TENM4: variants seen among roughly 807,000 people sequenced by gnomAD.
TENM4 encodes the protein teneurin-4.
TENM4 carries 82 observed loss-of-function variants against 243.3 expected under a neutral mutation model. The observed-to-expected ratio is 0.34, with a 90% CI of 0.28 to 0.40. The LOEUF (loss-of-function observed/expected upper bound fraction) is 0.40, where lower values mean the gene tolerates loss of function less well. TENM4 is among the 10% of genes least tolerant of loss of function. The pLI is 1.00. For synonymous variants in TENM4, 1,412 were observed against 1,456.3 expected, an observed-to-expected ratio of 0.97 and a Z score of 0.69; for missense variants, 3,138 against 3,673.3, an observed-to-expected ratio of 0.85 and a Z score of 3.77.
chr11:79,368,870 G>A (rs535815868), intron 1 of TENM4, among the ~76,000 whole-genome samples: 14 of 152,300 alleles, frequency 9.2e-5, no homozygotes, highest in Non-Finnish European at 1.3e-4. Context: ...GCTGTCTCGC[G>A]GAGATGTGTG....
rs201067873 is a variant in TENM4, at chr11:79,200,734, AGAG to A, written c.-163+15071_-163+15073del. 5.6e-3 allele frequency among the ~76,000 whole-genome samples: 852 copies of A among 152,348 alleles called. 3 individuals carry two copies. The highest frequency in any genetic ancestry group is 0.017 in the African/African-American group (720 of 41,576). Reference sequence around the variant, plus strand: ...ATTTCAAAGTCAAGGCAGGGGCAGGAGAGGAGGACAAAGCTGTTGCTCCAGGCA... The same window carrying A: ...ATTTCAAAGTCAAGGCAGGGGCAGGAGAGGACAAAGCTGTTGCTCCAGGCA... On this transcript the variant is annotated intron_variant, in intron 3 of 33. Coordinates refer to ENST00000278550, the MANE Select transcript of TENM4 (RefSeq NM_001098816.3).
At chr11:79,430,572 G>A (rs1341311301) in intron 1 of TENM4, among the ~76,000 whole-genome samples, 1 of 152,190 alleles carries the variant, frequency 6.6e-6, no homozygotes, top group Non-Finnish European at 1.5e-5. Context: ...TGCACCCCAG[G>A]CATGGAAGAC....
chr11:78,671,889 G>A, intron 31 of TENM4, 144 bp downstream of exon 31: 3 of 1,086,742 alleles, frequency 2.8e-6, no homozygotes, highest in Non-Finnish European at 3.9e-6. Flanking sequence ...GGGACCCCAT[G>A]CCCTCTGTGG....
At chr11:78,955,276 A>G (rs978408673) in intron 6 of TENM4, among the ~76,000 whole-genome samples, 1 of 152,366 alleles carries the variant, frequency 6.6e-6, no homozygotes, top group African/African-American at 2.4e-5. Flanking sequence ...GTGAGATGAC[A>G]GAGGAGAACG....
intron 4 of TENM4, among the ~76,000 whole-genome samples, chr11:79,122,154 G>T (rs1158563925): frequency 1.3e-5 from 2 of 152,134 alleles, no homozygotes; most frequent in East Asian, 1.9e-4. Flanking sequence ...GGGCCTTGAG[G>T]TTCCTCTAGG....
intron 2 of TENM4, among the ~76,000 whole-genome samples, chr11:79,281,302 GA>G (rs1856152525): frequency 6.6e-6 from 1 of 152,168 alleles, no homozygotes; most frequent in South Asian, 2.1e-4. Flanking sequence ...AAAGTTCACT[GA>G]TTTGTCTACG....
rs74632399 is a variant in TENM4, at chr11:78,752,988, A to T, written c.2756+3817T>A. Among the ~76,000 whole-genome samples the T allele has an allele frequency of 8.0e-3, 1,222 of 152,266 alleles. 11 individuals carry two copies. The highest frequency in any genetic ancestry group is 0.028 in the African/African-American group (1,176 of 41,526). On this transcript the variant is annotated intron_variant, in intron 19 of 33. Coordinates refer to ENST00000278550, the MANE Select transcript of TENM4 (RefSeq NM_001098816.3). The stretch of plus-strand genomic sequence containing the variant: ...GAGACTTTATGTACTTTTTGTTCCC[A>T]TTTAATTCTCATAGCAATCCCTAGA...
intron 4 of TENM4, among the ~76,000 whole-genome samples, chr11:79,128,932 T>C (rs1050274211): frequency 2.0e-5 from 3 of 152,176 alleles, no homozygotes; most frequent in African/African-American, 7.2e-5. Context: ...CTGTGAACTT[T>C]AGCTCCAGAT....
At chr11:78,783,837 A>G (rs576468986) in intron 16 of TENM4, among the ~76,000 whole-genome samples, 2 of 152,330 alleles carry the variant, frequency 1.3e-5, no homozygotes, top group African/African-American at 4.8e-5. Context: ...AAGATATTTA[A>G]TTCCTACTAT....
At chr11:78,862,120 A>T (rs565689205) in intron 10 of TENM4, among the ~76,000 whole-genome samples, 49 of 152,266 alleles carry the variant, frequency 3.2e-4, no homozygotes, top group Non-Finnish European at 5.6e-4. Context: ...TCCATGTCTC[A>T]TTGTACAATA....
intron 6 of TENM4, among the ~76,000 whole-genome samples, chr11:78,933,500 G>T (rs1856715719): frequency 6.6e-6 from 1 of 152,150 alleles, no homozygotes; most frequent in Non-Finnish European, 1.5e-5. Flanking sequence ...TTCTTGGTTT[G>T]GTCTTCAGTG....
chr11:78,694,206 C>T (rs1040034298), intron 28 of TENM4, among the ~76,000 whole-genome samples: 2 of 152,144 alleles, frequency 1.3e-5, no homozygotes, highest in East Asian at 1.9e-4. Flanking sequence ...CTTAACTTTT[C>T]GGTTAAAAAA....
intron 29 of TENM4, among the ~76,000 whole-genome samples, chr11:78,687,176 G>A (rs140445703): frequency 1.3e-5 from 2 of 152,146 alleles, no homozygotes; most frequent in East Asian, 3.9e-4. Context: ...TGGGCACAGG[G>A]CCCCAAATCG....
intron 6 of TENM4, among the ~76,000 whole-genome samples, chr11:78,929,254 G>A (rs1037338092): frequency 2.0e-5 from 3 of 152,190 alleles, no homozygotes; most frequent in African/African-American, 7.2e-5. Context: ...GTCAGCTGAG[G>A]TTGAAATAGG....
chr11:78,686,301 G>A (rs1182286227), intron 29 of TENM4, among the ~76,000 whole-genome samples: 1 of 152,192 alleles, frequency 6.6e-6, no homozygotes, highest in African/African-American at 2.4e-5. Flanking sequence ...TGATGTGCCT[G>A]GGGAGGGTGT....
chr11:78,807,753 C>G (rs1857419654), intron 14 of TENM4, among the ~76,000 whole-genome samples: 1 of 152,020 alleles, frequency 6.6e-6, no homozygotes, highest in South Asian at 2.1e-4. Flanking sequence ...ATGGTCAGGC[C>G]CCTCCTAATA....
intron 3 of TENM4, among the ~76,000 whole-genome samples, chr11:79,156,369 C>T (rs559923881): frequency 8.5e-5 from 13 of 152,318 alleles, no homozygotes; most frequent in African/African-American, 2.4e-4. Context: ...TCCCTGTTCA[C>T]GTTGTGTGTA....
intron 9 of TENM4, among the ~76,000 whole-genome samples, chr11:78,870,245 T>C (rs1859087903): frequency 6.6e-6 from 1 of 152,260 alleles, no homozygotes; most frequent in South Asian, 2.1e-4. Context: ...GTCATTTTGC[T>C]ATGCTGATTT....
chr11:79,437,446 G>T (rs1298259737), intron 1 of TENM4, among the ~76,000 whole-genome samples: 1 of 151,946 alleles, frequency 6.6e-6, no homozygotes, highest in Non-Finnish European at 1.5e-5. Flanking sequence ...GCACTGTGCC[G>T]CGCGGCGCTT....
Sources: gnomAD v4.1 joint callset for allele counts (sites outside exome capture counted in the v4.1 genomes callset) on GRCh38, gnomAD v4.1.1 for gene constraint, MANE v1.5 for transcripts, NCBI Gene and HGNC (gene_info 2026-07-23, HGNC 2026-07-21) for gene names.